The following IL1RAPL2 variants were observed in gnomAD, a reference collection of about 807,000 sequenced individuals.
The protein encoded by IL1RAPL2 is X-linked interleukin-1 receptor accessory protein-like 2.
In IL1RAPL2, 3 loss-of-function variants were observed where a neutral mutation model predicts 44.1. The observed-to-expected ratio is 0.07, with a 90% confidence interval of 0.03 to 0.18. IL1RAPL2 has a LOEUF of 0.18. IL1RAPL2 is among the 10% of genes least tolerant of loss of function. IL1RAPL2 has a pLI of 1.00. For missense variants in IL1RAPL2, 391 were observed against 496.4 expected (o/e 0.79, Z 2.02); for synonymous variants, 181 against 178.8 (o/e 1.01, Z -0.10).
At chrX:105,014,229 G>C (rs1417542435) in intron 2 of IL1RAPL2, among the ~76,000 whole-genome samples, 1 of 111,573 alleles carries the variant, frequency 9.0e-6, no homozygotes, top group Non-Finnish European at 1.9e-5. Flanking sequence ...TGGAGTACAT[G>C]TGATGTTTTG....
intron 2 of IL1RAPL2, among the ~76,000 whole-genome samples, chrX:105,009,043 A>G (rs1390145908): frequency 3.6e-5 from 4 of 112,074 alleles, no homozygotes; most frequent in African/African-American, 9.7e-5. Flanking sequence ...TCAAAACCAC[A>G]ATGAGATACC....
intron 2 of IL1RAPL2, among the ~76,000 whole-genome samples, chrX:105,019,688 T>C (rs1255460009): frequency 4.5e-5 from 5 of 111,650 alleles, no homozygotes; most frequent in African/African-American, 1.6e-4. Context: ...TGGCAACAAT[T>C]TTTCTCTAAC....
At chrX:105,449,538 C>T (rs904488450) in intron 5 of IL1RAPL2, among the ~76,000 whole-genome samples, 4 of 106,161 alleles carry the variant, frequency 3.8e-5, no homozygotes, top group African/African-American at 6.9e-5. Context: ...GAGCCGAGAT[C>T]GCGCCACTGC....
chrX:105,728,587 AT>A (rs893375613), intron 7 of IL1RAPL2, among the ~76,000 whole-genome samples: 99 of 109,996 alleles, frequency 9.0e-4, no homozygotes, highest in African/African-American at 3.2e-3. Context: ...AAGAGGATAC[AT>A]TTTTTTTTGA....
In IL1RAPL2 at chrX:105,767,459, G is replaced by A. The variant is rs1447704859; in HGVS notation, c.1859G>A (p.Gly620Asp). Residue 620 changes from glycine (G) to aspartate (D), a missense_variant, in exon 11 of 11, where the codon GGT (glycine) becomes GAT (aspartate). This residue lies in a region of IL1RAPL2 where 232 missense variants were observed against 244.8 expected (regional missense o/e 0.95). Coordinates refer to ENST00000372582, the MANE Select transcript of IL1RAPL2 (RefSeq NM_017416.2). ...DSMQIRHCCR[G>D]YKHEIPATTL... The stretch of plus-strand genomic sequence containing the variant: ...ATGCAAATCAGGCACTGTTGCAGAG[G>A]TTATAAACATGAGATACCAGCCACG... 2 of 1,209,417 alleles carry A rather than the reference G, an allele frequency of 1.7e-6. No individual in the cohort carries two copies. Among genetic ancestry groups the A allele is most frequent in the Non-Finnish European group, 2.2e-6 (2 of 895,080 alleles).
At chrX:105,492,304 T>G (rs1301108710) in intron 6 of IL1RAPL2, among the ~76,000 whole-genome samples, 1 of 110,753 alleles carries the variant, frequency 9.0e-6, no homozygotes, top group African/African-American at 3.3e-5. Flanking sequence ...ACAAGATCTG[T>G]TTCACTCCGA....
intron 6 of IL1RAPL2, among the ~76,000 whole-genome samples, chrX:105,707,119 G>A (rs1403320190): frequency 4.5e-5 from 5 of 111,618 alleles, no homozygotes; most frequent in African/African-American, 1.3e-4. Context: ...GATTTCCACA[G>A]GCATATAAAC....
chrX:104,899,546 G>C (rs1265781757), intron 2 of IL1RAPL2, among the ~76,000 whole-genome samples: 1 of 111,535 alleles, frequency 9.0e-6, no homozygotes, highest in Non-Finnish European at 1.9e-5. Flanking sequence ...TAACATTTCA[G>C]ATACCAACTG....
intron 2 of IL1RAPL2, among the ~76,000 whole-genome samples, chrX:105,048,476 C>T (rs2031872183): frequency 9.0e-6 from 1 of 111,382 alleles, no homozygotes; most frequent in African/African-American, 3.3e-5. Flanking sequence ...TAATTTAACA[C>T]AATATAGTAA....
At chrX:105,128,204 T>TCTC (rs1235336645) in intron 2 of IL1RAPL2, among the ~76,000 whole-genome samples, 2 of 110,500 alleles carry the variant, frequency 1.8e-5, no homozygotes, top group Non-Finnish European at 3.8e-5. Context: ...TGCTGAAATA[T>TCTC]CTCCTCTTTG....
At chrX:105,557,033 T>G (rs1432475620) in intron 6 of IL1RAPL2, among the ~76,000 whole-genome samples, 1 of 112,235 alleles carries the variant, frequency 8.9e-6, no homozygotes, top group Non-Finnish European at 1.9e-5. Flanking sequence ...TAAATTTCCT[T>G]TTGATCTCTC....
At chrX:105,392,561 A>G (rs1817171872) in intron 5 of IL1RAPL2, among the ~76,000 whole-genome samples, 1 of 111,715 alleles carries the variant, frequency 9.0e-6, no homozygotes, top group African/African-American at 3.3e-5. Flanking sequence ...ACAACATGCC[A>G]TAGAGCTCAG....
intron 3 of IL1RAPL2, chrX:105,220,127 G>A (rs781811593): frequency 2.5e-6 from 3 of 1,211,194 alleles, no homozygotes; most frequent in South Asian, 3.5e-5. Context: ...TGCAGCCACC[G>A]CACCCTGTGC....
chrX:104,991,056 C>A (rs933351543), intron 2 of IL1RAPL2, among the ~76,000 whole-genome samples: 12 of 111,263 alleles, frequency 1.1e-4, no homozygotes, highest in Admixed American at 4.8e-4. Flanking sequence ...TAGGACATAA[C>A]TTTCCCCTGC....
intron 5 of IL1RAPL2, among the ~76,000 whole-genome samples, chrX:105,319,483 A>G (rs1261872242): frequency 9.0e-6 from 1 of 111,602 alleles, no homozygotes; most frequent in Non-Finnish European, 1.9e-5. Context: ...TGACATGGCT[A>G]TTTTCACTCA....
chrX:105,003,646 C>T (rs1478547689), intron 2 of IL1RAPL2, among the ~76,000 whole-genome samples: 1 of 110,961 alleles, frequency 9.0e-6, no homozygotes, highest in Non-Finnish European at 1.9e-5. Flanking sequence ...TGTAACTGGG[C>T]CACTTAGTAA....
At chrX:105,037,065 A>G (rs1055789739) in intron 2 of IL1RAPL2, among the ~76,000 whole-genome samples, 3 of 112,167 alleles carry the variant, frequency 2.7e-5, no homozygotes, top group African/African-American at 9.7e-5. Flanking sequence ...AATTTTGCAG[A>G]CATAAATTTT....
intron 6 of IL1RAPL2, among the ~76,000 whole-genome samples, chrX:105,602,045 C>T (rs1191341630): frequency 3.6e-5 from 4 of 111,898 alleles, no homozygotes; most frequent in Admixed American, 9.4e-5. Flanking sequence ...CTCCTCCAGC[C>T]GCAGAGCTGC....
chrX:105,220,306 C>A (rs1556179687), intron 3 of IL1RAPL2: 15 of 1,210,260 alleles, frequency 1.2e-5, no homozygotes, highest in Non-Finnish European at 1.6e-5. Flanking sequence ...GAACTCGGGG[C>A]CTTTCGTGTG....
Sources: gnomAD v4.1 joint callset for allele counts (sites outside exome capture counted in the v4.1 genomes callset) on GRCh38, gnomAD v4.1.1 for gene constraint, gnomAD v4.1.1 regional missense constraint, MANE v1.5 for transcripts, NCBI Gene and HGNC (gene_info 2026-07-23, HGNC 2026-07-21) for gene names.